Variants in MYO1H observed in about 807,000 individuals in gnomAD.
The protein encoded by MYO1H is unconventional myosin-Ih.
MYO1H carries 118 observed loss-of-function variants against 149.3 expected under a neutral mutation model. The ratio of observed to expected loss-of-function variants is 0.79; its 90% CI spans 0.68 to 0.92. MYO1H has a LOEUF of 0.92. Among genes scored for constraint, MYO1H ranks in the 40% least tolerant of loss-of-function variants. The probability of loss-of-function intolerance (pLI) is 0.00; values close to 1 mark genes in which losing one functional copy is unlikely to be tolerated. For synonymous variants in MYO1H, 447 were observed against 465.2 expected (o/e 0.96, Z 0.50); for missense variants, 1,212 against 1,280.7 (o/e 0.95, Z 0.82).
At chr12:109,345,366 G>A (rs889786130), upstream of MYO1H, among the ~76,000 whole-genome samples, 24 of 152,160 alleles carry the variant, frequency 1.6e-4, no homozygotes, top group African/African-American at 2.9e-4. Context: ...GCTTAGCATC[G>A]TTAGTCATCA....
chr12:109,392,601 A>G (rs7298292), intron 2 of MYO1H, among the ~76,000 whole-genome samples: 37,111 of 151,474 alleles, frequency 0.24, 5,472 homozygotes, highest in East Asian at 0.39. Flanking sequence ...GCATGCCTGT[A>G]ATCCCAGCTA....
chr12:109,395,925 G>T (rs896667245), intron 3 of MYO1H, among the ~76,000 whole-genome samples: 38 of 151,664 alleles, frequency 2.5e-4, no homozygotes, highest in African/African-American at 9.2e-4. Flanking sequence ...TGTTGTTGTT[G>T]TTGTTGTTTT....
At chr12:109,346,417 G>A (rs573070170), upstream of MYO1H, among the ~76,000 whole-genome samples, 3 of 152,142 alleles carry the variant, frequency 2.0e-5, no homozygotes, top group Non-Finnish European at 2.9e-5. Flanking sequence ...AATGTTATAC[G>A]TGATTTATAT....
At chr12:109,356,685 G>C (rs1799405236) in intron 1 of MYO1H, among the ~76,000 whole-genome samples, 1 of 152,066 alleles carries the variant, frequency 6.6e-6, no homozygotes, top group South Asian at 2.1e-4. Flanking sequence ...TTAAGGCTAT[G>C]AACTGCTCTC....
chr12:109,330,273 CAT>C, the MYO1H span, among the ~76,000 whole-genome samples: 1 of 151,170 alleles, frequency 6.6e-6, no homozygotes, highest in African/African-American at 2.4e-5. Flanking sequence ...TGGATGAAAA[CAT>C]GTACACACAC....
At chr12:109,409,311 A>AG (rs34186515) in intron 10 of MYO1H, among the ~76,000 whole-genome samples, 71,363 of 138,468 alleles carry the variant, frequency 0.52, 19,185 homozygotes, top group African/African-American at 0.66. Context: ...GGACACCTGA[A>AG]CAAAGAAGTG....
chr12:109,329,033 C>CTTTTTTTTTTTTTTTTTTTTT, the MYO1H span, among the ~76,000 whole-genome samples: 1 of 132,068 alleles, frequency 7.6e-6, no homozygotes. Flanking sequence ...TCTTTTTTTT[C>CTTTTTTTTTTTTTTTTTTTTT]TTTTTTTTTT....
chr12:109,400,716 A>G (rs1392480419), intron 5 of MYO1H, among the ~76,000 whole-genome samples: 1 of 152,238 alleles, frequency 6.6e-6, no homozygotes, highest in Non-Finnish European at 1.5e-5. Flanking sequence ...AACCATCACT[A>G]TGATTCAGTA....
the MYO1H span, among the ~76,000 whole-genome samples, chr12:109,319,455 TAG>T: frequency 7.6e-3 from 1,162 of 152,254 alleles, 27 homozygotes; most frequent in Non-Finnish European, 6.7e-3. Flanking sequence ...TTAATAGATA[TAG>T]AGTTTCTGAT....
chr12:109,420,343 C>G (rs917787804), intron 15 of MYO1H, among the ~76,000 whole-genome samples: 1 of 152,146 alleles, frequency 6.6e-6, no homozygotes, highest in Non-Finnish European at 1.5e-5. Context: ...TTAGTCCATT[C>G]TCACATTGCT....
rs774524087 is a variant in MYO1H at position 109,427,558 on chromosome 12, C to T, written c.1921C>T (p.Arg641Ter). 1.6e-5 allele frequency: 25 copies of T among 1,612,028 alleles called. No homozygotes were observed. Among genetic ancestry groups the T allele is most frequent in the South Asian group, 8.8e-5 (8 of 91,034 alleles). Residue 641 changes from arginine (R) to a stop codon, truncating the protein, a stop_gained, in exon 19 of 32, where the codon CGA becomes TGA. Transcript: ENST00000310903. LOFTEE classifies it high-confidence loss of function. ...GGTGAGACGGGCTGGTTTTGCATACCGAAGGAAATACGAGCATTTCTTGCA... is the reference window on the plus strand; with the variant it reads ...GGTGAGACGGGCTGGTTTTGCATACTGAAGGAAATACGAGCATTTCTTGCA...
At chr12:109,331,640 T>C in the MYO1H span, among the ~76,000 whole-genome samples, 1 of 152,196 alleles carries the variant, frequency 6.6e-6, no homozygotes, top group Non-Finnish European at 1.5e-5. Flanking sequence ...TCAGGGACAC[T>C]TTTTAGACCT....
chr12:109,415,035 C>A (rs1221596415), intron 14 of MYO1H, among the ~76,000 whole-genome samples: 3 of 152,158 alleles, frequency 2.0e-5, no homozygotes, highest in Non-Finnish European at 4.4e-5. Context: ...TTAAAGAAAT[C>A]TTGGTCTATG....
At chr12:109,437,505 G>A (rs1413101419) in intron 22 of MYO1H, among the ~76,000 whole-genome samples, 1 of 152,130 alleles carries the variant, frequency 6.6e-6, no homozygotes, top group Non-Finnish European at 1.5e-5. Context: ...AAGTATTTTA[G>A]ACTTGGGAGT....
intron 1 of MYO1H, among the ~76,000 whole-genome samples, chr12:109,365,289 A>G (rs1317374505): frequency 6.6e-6 from 1 of 152,208 alleles, no homozygotes; most frequent in Non-Finnish European, 1.5e-5. Context: ...AAATAAATAA[A>G]TAAACAAGGT....
At position 109,424,738 on chromosome 12, in the gene MYO1H, T is replaced by C; in HGVS notation, c.1645-10T>C. ...CAGCGAACGTGGTACTCATTTCTCTTCACTTACAGGTGCTGTGCAAGTCCA... is the reference window on the plus strand; with the variant it reads ...CAGCGAACGTGGTACTCATTTCTCTCCACTTACAGGTGCTGTGCAAGTCCA... On this transcript the variant is annotated splice_polypyrimidine_tract_variant and intron_variant, in intron 16 of 31. Transcript: ENST00000310903. The C allele has an allele frequency of 6.2e-7, 1 of 1,611,742 alleles. No homozygotes were observed. Among genetic ancestry groups the C allele is most frequent in the Non-Finnish European group, 8.5e-7 (1 of 1,177,958 alleles).
At chr12:109,331,241 A>AT in the MYO1H span, among the ~76,000 whole-genome samples, 1 of 152,192 alleles carries the variant, frequency 6.6e-6, no homozygotes, top group Non-Finnish European at 1.5e-5. Context: ...CTCACTCTTG[A>AT]TTAGAGTTTT....
intron 15 of MYO1H, among the ~76,000 whole-genome samples, chr12:109,416,317 C>G (rs7305754): frequency 6.6e-6 from 1 of 151,540 alleles, no homozygotes; most frequent in African/African-American, 2.4e-5. Flanking sequence ...ACCCCTTCCC[C>G]TGTAGCTCAA....
intron 31 of MYO1H, among the ~76,000 whole-genome samples, chr12:109,446,887 C>A (rs919517560): frequency 6.6e-6 from 1 of 152,204 alleles, no homozygotes; most frequent in Non-Finnish European, 1.5e-5. Context: ...TTAGTTTACA[C>A]ACTGTCTTAA....
Sources: allele counts gnomAD v4.1 joint callset (sites outside exome capture counted in the v4.1 genomes callset), GRCh38; gene constraint gnomAD v4.1.1; transcripts MANE v1.5; gene names NCBI Gene and HGNC (gene_info 2026-07-23, HGNC 2026-07-21).